The following ANO6 variants were observed in gnomAD, a reference collection of about 807,000 sequenced individuals.
ANO6 encodes the protein anoctamin 6, also known as anoctamin-6.
Under a neutral mutation model 117.5 loss-of-function variants are expected in ANO6, and 106 were observed. The observed-to-expected ratio is 0.90, with a 90% confidence interval of 0.77 to 1.06. The LOEUF (loss-of-function observed/expected upper bound fraction) is 1.06. ANO6 is among the 50% of genes least tolerant of loss of function. The pLI, the probability that ANO6 is intolerant of heterozygous loss-of-function variation, is 0.00. For missense variants in ANO6, 955 were observed against 1,121.1 expected (o/e 0.85, Z 2.12); for synonymous variants, 367 against 385.1 (o/e 0.95, Z 0.55).
Position 45,429,925 on chromosome 12 carries a change from T to C in ANO6, c.*614T>C, listed in dbSNP as rs60534803. ...TCTTTCCATCTCAAAAAAATACTCT[T>C]AGTAGGTTGGAGTGAAGATAGCAAG... On this transcript the variant is annotated 3_prime_UTR_variant, in exon 20 of 20. Coordinates refer to ENST00000320560, the MANE Select transcript of ANO6 (RefSeq NM_001025356.3). The C allele has an allele frequency of 2.9e-3, 2,823 of 989,188 alleles. 56 individuals are homozygous for C. The African/African-American group carries it at 0.046, about 16-fold the overall frequency. 61.3% of individuals were successfully genotyped at this position (989,188 alleles called of 1,614,324 possible). A position where few individuals can be genotyped will look rare whatever the true frequency, so the allele number is the denominator to read the frequency against.
chr12:45,393,368 A>T (rs539597572), intron 12 of ANO6, among the ~76,000 whole-genome samples: 1 of 152,358 alleles, frequency 6.6e-6, no homozygotes, highest in South Asian at 2.1e-4. Context: ...TATGTGTTTG[A>T]TTGGCGTATC....
chr12:45,424,326 G>GTTTTT (rs1943439451), intron 19 of ANO6, among the ~76,000 whole-genome samples: 1 of 118,416 alleles, frequency 8.4e-6, no homozygotes, highest in African/African-American at 3.4e-5. Flanking sequence ...CTAGGTGATG[G>GTTTTT]GTTTTTTTTT....
At chr12:45,248,291 A>C (rs187698274) in intron 1 of ANO6, among the ~76,000 whole-genome samples, 1 of 152,202 alleles carries the variant, frequency 6.6e-6, no homozygotes, top group East Asian at 1.9e-4. Context: ...ACTGACATGC[A>C]GAGTTAGCCT....
intron 17 of ANO6, 114 bp from the exon 18 acceptor site, chr12:45,420,956 TG>T: frequency 1.8e-6 from 2 of 1,118,374 alleles, no homozygotes; most frequent in Non-Finnish European, 2.7e-6. Flanking sequence ...ACCCAAGAGG[TG>T]GAGGTTGCAG....
chr12:45,223,591 A>G (rs150441807), intron 1 of ANO6, among the ~76,000 whole-genome samples: 1 of 152,186 alleles, frequency 6.6e-6, no homozygotes, highest in African/African-American at 2.4e-5. Flanking sequence ...TTTTTGTTCT[A>G]TGCAGTTAGC....
intron 8 of ANO6, among the ~76,000 whole-genome samples, chr12:45,364,354 G>A (rs1382876938): frequency 6.6e-6 from 1 of 152,206 alleles, no homozygotes; most frequent in Non-Finnish European, 1.5e-5. Context: ...TTCATTAAAT[G>A]TAGGAAGTTT....
Position 45,348,234 on chromosome 12 carries a change from C to T in ANO6, c.552C>T (p.Ala184=), listed in dbSNP as rs191289581. 1.2e-6 allele frequency: 2 copies of T among 1,613,952 alleles called. No homozygotes were observed. The highest frequency in any genetic ancestry group is 1.1e-5 in the South Asian group (1 of 91,064). The change falls in exon 5 of 20, where the codon GCC becomes GCT. Residue 184 remains alanine, a synonymous_variant. Transcript: ENST00000320560. ...IIKPEQEFFT[A]PFEKNRMNDF... is the part of the protein sequence containing the mutation. ...AGCCAGAGCAAGAGTTTTTCACTGC[C>T]CCATTTGAGAAGAACCGGATGAATG...
chr12:45,275,831 T>A (rs551701758), intron 1 of ANO6, among the ~76,000 whole-genome samples: 32 of 152,346 alleles, frequency 2.1e-4, no homozygotes, highest in African/African-American at 7.7e-4. Flanking sequence ...CCTGGGAATG[T>A]TGAGAATTCT....
chr12:45,301,431 T>A (rs532098848), intron 1 of ANO6, among the ~76,000 whole-genome samples: 2 of 151,406 alleles, frequency 1.3e-5, no homozygotes, highest in East Asian at 3.9e-4. Flanking sequence ...CCCCTGTCTC[T>A]ACAAAAGAAA....
intron 2 of ANO6, among the ~76,000 whole-genome samples, chr12:45,306,767 G>A (rs1035242440): frequency 1.3e-4 from 20 of 151,810 alleles, no homozygotes; most frequent in African/African-American, 4.8e-4. Context: ...TTTTGATGGG[G>A]GAGACATAAA....
intron 12 of ANO6, among the ~76,000 whole-genome samples, chr12:45,393,251 T>A (rs192099109): frequency 1.3e-5 from 2 of 152,116 alleles, no homozygotes; most frequent in Non-Finnish European, 2.9e-5. Context: ...GTATCAGTGA[T>A]TGAAGATCAA....
intron 1 of ANO6, among the ~76,000 whole-genome samples, chr12:45,297,840 A>T (rs968153832): frequency 6.6e-6 from 1 of 152,208 alleles, no homozygotes; most frequent in Non-Finnish European, 1.5e-5. Context: ...GTTTACCTAT[A>T]GTAATCCAAT....
chr12:45,344,900 T>C (rs1329592587), intron 3 of ANO6, among the ~76,000 whole-genome samples: 1 of 152,132 alleles, frequency 6.6e-6, no homozygotes, highest in East Asian at 1.9e-4. Flanking sequence ...TGGAAAGTGC[T>C]GAAGAACTTC....
intron 1 of ANO6, among the ~76,000 whole-genome samples, chr12:45,273,128 G>C (rs1487403608): frequency 2.0e-5 from 3 of 151,076 alleles, no homozygotes; most frequent in Non-Finnish European, 4.4e-5. Context: ...GAATAGAACA[G>C]TGATTGCCGG....
chr12:45,275,653 A>G (rs1938532169), intron 1 of ANO6, among the ~76,000 whole-genome samples: 1 of 152,102 alleles, frequency 6.6e-6, no homozygotes, highest in African/African-American at 2.4e-5. Flanking sequence ...GTCATTCAAG[A>G]TCTGTGTGTT....
intron 9 of ANO6, among the ~76,000 whole-genome samples, chr12:45,376,928 C>T (rs1942041838): frequency 3.3e-5 from 5 of 151,146 alleles, no homozygotes. Flanking sequence ...TAGGATTATG[C>T]TTGCTTTCTC....
intron 1 of ANO6, among the ~76,000 whole-genome samples, chr12:45,251,949 C>T (rs561637651): frequency 5.9e-5 from 9 of 152,238 alleles, no homozygotes; most frequent in East Asian, 1.9e-4. Context: ...GTTCATTCTC[C>T]GATATAGTAT....
intron 2 of ANO6, among the ~76,000 whole-genome samples, chr12:45,323,974 G>C (rs534745777): frequency 8.7e-6 from 1 of 114,304 alleles, no homozygotes; most frequent in East Asian, 2.5e-4. Flanking sequence ...TTTTGCTCTT[G>C]GTGCCCAGGC....
chr12:45,401,538 TC>T (rs1942786140), intron 12 of ANO6, among the ~76,000 whole-genome samples: 1 of 152,176 alleles, frequency 6.6e-6, no homozygotes, highest in Non-Finnish European at 1.5e-5. Flanking sequence ...AGTTTCCAGT[TC>T]CTTCCCACCA....
Sources: gnomAD v4.1 joint callset for allele counts (sites outside exome capture counted in the v4.1 genomes callset) on GRCh38, gnomAD v4.1.1 for gene constraint, MANE v1.5 for transcripts, NCBI Gene and HGNC (gene_info 2026-07-23, HGNC 2026-07-21) for gene names.